Variants in ADAMTSL3 observed in about 807,000 individuals in gnomAD.
The protein encoded by ADAMTSL3 is ADAMTS-like protein 3.
A neutral mutation model predicts 201.7 loss-of-function variants in ADAMTSL3; 128 were observed. The ratio of observed to expected loss-of-function variants is 0.63; its 90% CI spans 0.55 to 0.73. The LOEUF (loss-of-function observed/expected upper bound fraction) is 0.73. Ranked by LOEUF, ADAMTSL3 falls within the 30% of genes least tolerant of loss-of-function variation. The pLI is 0.00. For missense variants in ADAMTSL3, 1,990 were observed against 2,119.6 expected, an observed-to-expected ratio of 0.94 and a Z score of 1.20; for synonymous variants, 738 against 748.4, an observed-to-expected ratio of 0.99 and a Z score of 0.23.
Position 83,842,663 on chromosome 15 carries a change from G to A in ADAMTSL3, c.727+4448G>A, listed in dbSNP as rs558680457. Among the ~76,000 whole-genome samples the A allele has an allele frequency of 1.4e-4, 21 of 152,320 alleles. No homozygotes were observed. The East Asian group carries it at 4.1e-3, about 29-fold the overall frequency. On this transcript the variant is annotated intron_variant, in intron 7 of 29. Coordinates refer to ENST00000286744, the MANE Select transcript of ADAMTSL3 (RefSeq NM_207517.3). ...ATTGATTTTAAGAGAGCTACTGCTT[G>A]GTATGGAGGAAAACGTTGAAAGTGT... is the stretch of plus-strand genomic sequence containing the variant.
At chr15:83,732,780 A>G (rs1015498573) in intron 3 of ADAMTSL3, among the ~76,000 whole-genome samples, 2 of 152,166 alleles carry the variant, frequency 1.3e-5, no homozygotes, top group East Asian at 1.9e-4. Context: ...TTGAATTTTC[A>G]TCAGAAAGTC....
chr15:83,859,716 C>T (rs2064816743), intron 8 of ADAMTSL3, among the ~76,000 whole-genome samples: 1 of 152,118 alleles, frequency 6.6e-6, no homozygotes, highest in Admixed American at 6.5e-5. Context: ...CCCAACTATT[C>T]TGTAGTGGGC....
chr15:83,872,892 T>C (rs975897089), intron 9 of ADAMTSL3, among the ~76,000 whole-genome samples: 2 of 145,758 alleles, frequency 1.4e-5, no homozygotes, highest in South Asian at 2.1e-4. Context: ...TATATGTATA[T>C]GTATATTTTT....
Position 83,965,251 on chromosome 15 carries a change from C to T in ADAMTSL3, c.2491-5233C>T, listed in dbSNP as rs2067056280. On this transcript the variant is annotated intron_variant, in intron 19 of 29. Coordinates refer to ENST00000286744, the MANE Select transcript of ADAMTSL3 (RefSeq NM_207517.3). ...GCAAATTGGATCAAGAGTTAAGACC[C>T]ATAGGTGTGCTGTATTCAGGAGACC... Among the ~76,000 whole-genome samples, 7 of 150,154 alleles carry T rather than the reference C, an allele frequency of 4.7e-5. No individual in the cohort carries two copies. In the South Asian group the frequency reaches 1.5e-3, roughly 32 times the overall value.
In ADAMTSL3 at chr15:83,982,410, A is replaced by T; in HGVS notation, c.2782A>T (p.Thr928Ser). ...IGSRAYLLPNTSVIIKCPVRR... is the reference protein window; with the variant it reads ...IGSRAYLLPNSSVIIKCPVRR... ...TAGCAGAGCCTATTTGCTGCCCAACACATCCGTGATTATTAAGTGCCCCGT... is the reference window on the plus strand; with the variant it reads ...TAGCAGAGCCTATTTGCTGCCCAACTCATCCGTGATTATTAAGTGCCCCGT... The change falls in exon 21 of 30, where the codon ACA (threonine) becomes TCA (serine). Residue 928 changes from threonine to serine, a missense_variant. Coordinates refer to ENST00000286744, the MANE Select transcript of ADAMTSL3 (RefSeq NM_207517.3). The T allele has an allele frequency of 1.2e-6, 2 of 1,614,156 alleles. No homozygotes were observed. Among genetic ancestry groups the T allele is most frequent in the Non-Finnish European group, 1.7e-6 (2 of 1,180,026 alleles).
intron 6 of ADAMTSL3, among the ~76,000 whole-genome samples, chr15:83,835,660 A>C (rs1040791604): frequency 2.0e-5 from 3 of 152,212 alleles, no homozygotes; most frequent in Non-Finnish European, 4.4e-5. Flanking sequence ...CTATAATTTA[A>C]TAGTGGTATT....
At chr15:83,801,692 A>ATATG (rs541853309) in intron 4 of ADAMTSL3, among the ~76,000 whole-genome samples, 96 of 86,138 alleles carry the variant, frequency 1.1e-3, no homozygotes, top group Non-Finnish European at 1.2e-3. Context: ...ATATATATAT[A>ATATG]TATGTATGTA....
intron 4 of ADAMTSL3, among the ~76,000 whole-genome samples, chr15:83,781,323 T>C (rs769900327): frequency 2.0e-5 from 3 of 152,190 alleles, no homozygotes; most frequent in Non-Finnish European, 4.4e-5. Flanking sequence ...CTACAACTTC[T>C]GATCTTGACA....
chr15:84,000,718 C>T (rs2067776417), intron 23 of ADAMTSL3, among the ~76,000 whole-genome samples: 1 of 152,198 alleles, frequency 6.6e-6, no homozygotes, highest in Non-Finnish European at 1.5e-5. Context: ...TGAATTGCAA[C>T]CAGCCCACTT....
chr15:84,006,396 T>G (rs2067895383), intron 23 of ADAMTSL3, among the ~76,000 whole-genome samples: 1 of 152,258 alleles, frequency 6.6e-6, no homozygotes, highest in Admixed American at 6.5e-5. Flanking sequence ...TATATTTATT[T>G]AAAGATCCAG....
chr15:83,928,019 A>G (rs1414066078), intron 17 of ADAMTSL3, among the ~76,000 whole-genome samples: 1 of 151,284 alleles, frequency 6.6e-6, no homozygotes, highest in East Asian at 1.9e-4. Context: ...TCTGTTGCTC[A>G]GGCTGGAGTG....
In ADAMTSL3 at chr15:83,983,114, G is replaced by A. The variant is rs111258897; in HGVS notation, c.3486G>A (p.Ser1162=). The change falls in exon 21 of 30, where the codon TCG becomes TCA. Residue 1162 remains serine (S), a synonymous_variant. Coordinates refer to ENST00000286744, the MANE Select transcript of ADAMTSL3 (RefSeq NM_207517.3). Reference sequence around the variant, plus strand: ...AAACAGGGAGTGTGTCCCAAAGCTCGCATGCAAAAAACTCAGGCAAGCTGA... The same window carrying A: ...AAACAGGGAGTGTGTCCCAAAGCTCACATGCAAAAAACTCAGGCAAGCTGA... ...RGETGSVSQS[S]HAKNSGKLTF... is the part of the protein sequence containing the mutation. 5,403 of 1,613,634 alleles carry A rather than the reference G, an allele frequency of 3.3e-3. 13 individuals carry two copies. The highest frequency in any genetic ancestry group is 3.6e-3 in the Non-Finnish European group (4,264 of 1,179,862).
At chr15:83,824,904 G>A (rs998836482) in intron 6 of ADAMTSL3, 6 of 152,048 alleles carry the variant, frequency 3.9e-5, no homozygotes, top group South Asian at 2.1e-4. Flanking sequence ...TCATCTTGGC[G>A]CAGGGGCCAT....
intron 17 of ADAMTSL3, among the ~76,000 whole-genome samples, chr15:83,934,593 G>A (rs758727181): frequency 5.9e-5 from 9 of 152,136 alleles, no homozygotes; most frequent in East Asian, 1.9e-4. Context: ...TGAGATTTGC[G>A]AGAGGGGATG....
At chr15:84,030,767 A>T (rs554805361) in intron 27 of ADAMTSL3, among the ~76,000 whole-genome samples, 1 of 152,256 alleles carries the variant, frequency 6.6e-6, no homozygotes, top group African/African-American at 2.4e-5. Context: ...TCCTCACCCA[A>T]ATCTCATCTT....
chr15:83,895,762 G>A (rs888050991), intron 13 of ADAMTSL3, among the ~76,000 whole-genome samples: 5 of 119,646 alleles, frequency 4.2e-5, no homozygotes, highest in African/African-American at 1.7e-4. Context: ...GGCTAAAACA[G>A]CCACTCAATA....
intron 8 of ADAMTSL3, among the ~76,000 whole-genome samples, chr15:83,865,292 C>T (rs1218542662): frequency 6.6e-6 from 1 of 152,134 alleles, no homozygotes; most frequent in Non-Finnish European, 1.5e-5. Context: ...CCAAAAAGAG[C>T]CCACATTGCC....
chr15:83,891,413 T>G, intron 12 of ADAMTSL3, 34 bp downstream of exon 12: 1 of 1,581,386 alleles, frequency 6.3e-7, no homozygotes, highest in Non-Finnish European at 8.7e-7. Flanking sequence ...TTTTTGCAAT[T>G]TAAGTAGTTT....
At chr15:83,949,295 A>G (rs1375357936) in intron 19 of ADAMTSL3, among the ~76,000 whole-genome samples, 1 of 152,190 alleles carries the variant, frequency 6.6e-6, no homozygotes, top group Non-Finnish European at 1.5e-5. Flanking sequence ...TTAACTTAAC[A>G]TAATGACCTT....
Sources: allele counts gnomAD v4.1 joint callset (sites outside exome capture counted in the v4.1 genomes callset), GRCh38; gene constraint gnomAD v4.1.1; transcripts MANE v1.5; gene names NCBI Gene and HGNC (gene_info 2026-07-23, HGNC 2026-07-21).